The following TNC variants were observed in gnomAD, a reference collection of about 807,000 sequenced individuals.
TNC encodes the protein tenascin C, also known as tenascin.
In TNC, 109 loss-of-function variants were observed where a neutral mutation model predicts 202.4. The observed-to-expected ratio is 0.54, with a 90% CI of 0.46 to 0.63. The LOEUF is 0.63. Among genes scored for constraint, TNC ranks in the 30% least tolerant of loss-of-function variants. The probability of loss-of-function intolerance (pLI) is 0.00; values close to 1 mark genes in which losing one functional copy is unlikely to be tolerated. For synonymous variants in TNC, 1,007 were observed against 1,089.7 expected, an observed-to-expected ratio of 0.92 and a Z score of 1.50; for missense variants, 2,756 against 2,833.3, an observed-to-expected ratio of 0.97 and a Z score of 0.62.
intron 22 of TNC, among the ~76,000 whole-genome samples, chr9:115,032,279 C>A (rs954827083): frequency 1.7e-4 from 26 of 152,068 alleles, no homozygotes; most frequent in Admixed American, 1.1e-3. Context: ...TTATGAAGGG[C>A]CTTTAAATGA....
intron 1 of TNC, among the ~76,000 whole-genome samples, chr9:115,111,943 C>A (rs924002881): frequency 6.6e-6 from 1 of 152,142 alleles, no homozygotes; most frequent in African/African-American, 2.4e-5. Context: ...CAGACAATAA[C>A]CTCATGAGAG....
Position 115,059,904 on chromosome 9 carries a change from C to T in TNC, c.4132G>A (p.Val1378Ile). Residue 1378 changes from valine to isoleucine, a missense_variant, in exon 14 of 28, where the codon GTC becomes ATC. By Grantham distance (29) the Val-to-Ile change is conservative. Coordinates refer to ENST00000350763, the MANE Select transcript of TNC (RefSeq NM_002160.4). Reference sequence around the variant, plus strand: ...TTGTTGACCTCCTGCACCTGAATGACAAAGTGCTCATAGGCATTGTCAGCT... The same window carrying T: ...TTGTTGACCTCCTGCACCTGAATGATAAAGTGCTCATAGGCATTGTCAGCT... ...TAADNAYEHFVIQVQEVNKVE... is the reference protein window; with the variant it reads ...TAADNAYEHFIIQVQEVNKVE... 1 of 1,614,136 alleles carries T rather than the reference C, an allele frequency of 6.2e-7. No homozygotes were observed. The highest frequency in any genetic ancestry group is 8.5e-7 in the Non-Finnish European group (1 of 1,180,018).
At chr9:115,024,969 C>A (rs1455831922) in intron 26 of TNC, among the ~76,000 whole-genome samples, 1 of 152,148 alleles carries the variant, frequency 6.6e-6, no homozygotes, top group Non-Finnish European at 1.5e-5. Flanking sequence ...GTCAAAGGAA[C>A]CCAGATACCT....
rs1364272052 is a variant in TNC at position 115,064,083 on chromosome 9, A to C, written c.3488-15T>G. 4 of 1,593,670 alleles carry C rather than the reference A, an allele frequency of 2.5e-6. No individual in the cohort carries two copies. Among genetic ancestry groups the C allele is most frequent in the Non-Finnish European group, 2.6e-6 (3 of 1,168,192 alleles). On this transcript the variant is annotated splice_polypyrimidine_tract_variant and intron_variant, in intron 11 of 27. Coordinates refer to ENST00000350763, the MANE Select transcript of TNC (RefSeq NM_002160.4). Reference sequence around the variant, plus strand: ...GGGAGTTTCCCCTGGAGAAGGACAAAGAACTAGTTTAGTGATCAAATCACA... The same window carrying C: ...GGGAGTTTCCCCTGGAGAAGGACAACGAACTAGTTTAGTGATCAAATCACA...
rs528048922 is a variant in TNC, at chr9:115,021,068, C to T, written c.*89G>A. 2.5e-5 allele frequency: 28 copies of T among 1,118,360 alleles called. No homozygotes were observed. Among genetic ancestry groups the T allele is most frequent in the Non-Finnish European group, 3.0e-5 (23 of 756,410 alleles). 69.3% of individuals were successfully genotyped at this position (1,118,360 alleles called of 1,614,324 possible). ...TCTCACCAAATGCCCAGGTGTGGAC[C>T]GATGGTTGGGCTGGTTGTATTGATG... On this transcript the variant is annotated 3_prime_UTR_variant, in exon 28 of 28. Coordinates refer to ENST00000350763, the MANE Select transcript of TNC (RefSeq NM_002160.4).
At chr9:115,027,988 A>G (rs560423934) in intron 25 of TNC, among the ~76,000 whole-genome samples, 2 of 152,334 alleles carry the variant, frequency 1.3e-5, no homozygotes, top group African/African-American at 4.8e-5. Flanking sequence ...AGGCTTCCGT[A>G]TATCTCAAGC....
chr9:115,086,502 T>A lies in TNC; in HGVS notation c.1229A>T (p.Asn410Ile), dbSNP rs780684501. ...GADCGELKCP[N>I]GCSGHGRCVN... The stretch of plus-strand genomic sequence containing the variant: ...ACAGCGGCCATGGCCACTGCAGCCA[T>A]TGGGACACTTGAGCTCCCCACAGTC... Residue 410 changes from asparagine to isoleucine, a missense_variant, in exon 3 of 28, where the codon AAT becomes ATT. Around this residue, in one of 2 missense-constraint regions of TNC, gnomAD observed 2,559 missense variants for 2,546.0 expected, o/e 1.01. Coordinates refer to ENST00000350763, the MANE Select transcript of TNC (RefSeq NM_002160.4). 2 of 1,613,796 alleles carry A rather than the reference T, an allele frequency of 1.2e-6. No individual in the cohort carries two copies. Among genetic ancestry groups the A allele is most frequent in the South Asian group, 2.2e-5 (2 of 91,076 alleles).
At chr9:115,100,906 A>G (rs1836181793) in intron 1 of TNC, among the ~76,000 whole-genome samples, 1 of 152,210 alleles carries the variant, frequency 6.6e-6, no homozygotes. Context: ...GGGGAAAAAA[A>G]CCTTTAAAAA....
In TNC at chr9:115,111,600, G is replaced by A. The variant is rs1220856757; in HGVS notation, c.-137+6382C>T. 1.3e-5 allele frequency among the ~76,000 whole-genome samples: 2 copies of A among 151,604 alleles called. 1 individual carries two copies. The highest frequency in any genetic ancestry group is 1.3e-4 in the Admixed American group (2 of 15,214). ...ATTTTTTTGTATTTTTAGTAGATAC[G>A]GGGTTTCAGCATATTGGCCAGGCTG... On this transcript the variant is annotated intron_variant, in intron 1 of 27. Coordinates refer to ENST00000350763, the MANE Select transcript of TNC (RefSeq NM_002160.4).
At chr9:115,065,213 T>C (rs1197752048) in intron 10 of TNC, among the ~76,000 whole-genome samples, 1 of 152,038 alleles carries the variant, frequency 6.6e-6, no homozygotes, top group South Asian at 2.1e-4. Context: ...CTGGCCAACA[T>C]GGTGAAACCC....
chr9:115,077,109 G>A (rs1833921736), intron 7 of TNC, among the ~76,000 whole-genome samples: 1 of 152,106 alleles, frequency 6.6e-6, no homozygotes, highest in African/African-American at 2.4e-5. Context: ...ACCCAGGTTG[G>A]AATGCAGTGG....
At chr9:115,107,778 T>G (rs1229210969) in intron 1 of TNC, among the ~76,000 whole-genome samples, 3 of 152,196 alleles carry the variant, frequency 2.0e-5, no homozygotes, top group Admixed American at 6.5e-5. Flanking sequence ...TTTTTACTGC[T>G]CCATAAAGAA....
At chr9:115,103,952 G>A (rs539975821) in intron 1 of TNC, among the ~76,000 whole-genome samples, 1 of 149,514 alleles carries the variant, frequency 6.7e-6, no homozygotes, top group East Asian at 1.9e-4. Flanking sequence ...GAAATGCTCA[G>A]ATGAAATATG....
At chr9:115,028,101 C>T (rs2131595844) in intron 25 of TNC, among the ~76,000 whole-genome samples, 1 of 152,286 alleles carries the variant, frequency 6.6e-6, no homozygotes, top group East Asian at 1.9e-4. Context: ...GCAACCCTTG[C>T]TGACATTAAG....
chr9:115,102,842 A>C (rs1836337108), intron 1 of TNC, among the ~76,000 whole-genome samples: 1 of 152,236 alleles, frequency 6.6e-6, no homozygotes, highest in Non-Finnish European at 1.5e-5. Context: ...AGAACATAGT[A>C]AATGCACAAT....
chr9:115,101,330 G>A (rs1836220681), intron 1 of TNC, among the ~76,000 whole-genome samples: 1 of 152,168 alleles, frequency 6.6e-6, no homozygotes, highest in African/African-American at 2.4e-5. Context: ...TCTTGTCTCA[G>A]CCTCCTGAGT....
Position 115,040,970 on chromosome 9 carries a change from C to T in TNC, c.5363G>A (p.Ser1788Asn). The T allele has an allele frequency of 1.2e-6, 2 of 1,614,012 alleles. No homozygotes were observed. The highest frequency in any genetic ancestry group is 1.7e-6 in the Non-Finnish European group (2 of 1,179,952). The change falls in exon 19 of 28, where the codon AGT (serine) becomes AAT (asparagine). Residue 1788 changes from serine to asparagine, a missense_variant. Ser to Asn is a conservative substitution (Grantham distance 46). This residue lies in a region of TNC where 2,559 missense variants were observed against 2,546.0 expected (regional missense o/e 1.01). Transcript: ENST00000350763. ...GGTGAATGACCCTGAGACAGGTTCA[C>T]TTTCCTCAAAGCCCTTCATGGCGAT... ...SIIAMKGFEE[S>N]EPVSGSFTTA...
chr9:115,050,956 A>G (rs538802911), intron 15 of TNC, among the ~76,000 whole-genome samples: 6 of 152,326 alleles, frequency 3.9e-5, no homozygotes, highest in African/African-American at 1.2e-4. Flanking sequence ...CATGCTGCCT[A>G]TAATTAAATA....
Position 115,039,119 on chromosome 9 carries a change from C to T in TNC, c.5393-739G>A, listed in dbSNP as rs572647123. 1.4e-4 allele frequency among the ~76,000 whole-genome samples: 21 copies of T among 152,084 alleles called. No individual in the cohort carries two copies. In the South Asian group the frequency reaches 2.1e-3, roughly 15 times the overall value. ...TGCTGGGATTACAGGCGTGAGTCAC[C>T]GCACCTGGCCCCGAGCCTTTTCTGA... On this transcript the variant is annotated intron_variant, in intron 19 of 27. Transcript: ENST00000350763.
Sources: gnomAD v4.1 joint callset for allele counts (sites outside exome capture counted in the v4.1 genomes callset) on GRCh38, gnomAD v4.1.1 for gene constraint, gnomAD v4.1.1 regional missense constraint, MANE v1.5 for transcripts, NCBI Gene and HGNC (gene_info 2026-07-23, HGNC 2026-07-21) for gene names.